GALNT16: variants seen among roughly 807,000 people sequenced by gnomAD.
GALNT16 encodes the protein polypeptide N-acetylgalactosaminyltransferase 16.
Under a neutral mutation model 76.1 loss-of-function variants are expected in GALNT16, and 40 were observed. That is an observed-to-expected ratio of 0.53 (90% CI 0.41 to 0.68). GALNT16 has a LOEUF of 0.68. GALNT16 is among the 30% of genes least tolerant of loss of function. The pLI, the probability that GALNT16 is intolerant of heterozygous loss-of-function variation, is 0.00. For synonymous variants in GALNT16, 276 were observed against 285.2 expected (o/e 0.97, Z 0.32); for missense variants, 621 against 731.9 (o/e 0.85, Z 1.75).
At chr14:69,319,021 C>T (rs746965436) in intron 1 of GALNT16, among the ~76,000 whole-genome samples, 20 of 152,356 alleles carry the variant, frequency 1.3e-4, no homozygotes, top group Admixed American at 6.5e-4. Flanking sequence ...CTGGGGGCTC[C>T]GCCACATCTG....
rs777727415 is a variant in GALNT16, at chr14:69,347,908, A to G, written c.1445A>G (p.Gln482Arg). 6.2e-7 allele frequency: 1 copy of G among 1,614,024 alleles called. No homozygotes were observed. Among genetic ancestry groups the G allele is most frequent in the South Asian group, 1.1e-5 (1 of 91,092 alleles). The change falls in exon 14 of 15, where the codon CAG (glutamine) becomes CGG (arginine). Residue 482 changes from glutamine to arginine, a missense_variant. Physicochemically the swap from Gln to Arg is conservative, Grantham distance 43. Coordinates refer to ENST00000448469, the MANE Select transcript of GALNT16 (RefSeq NM_001168368.2). ...CTGTTCAGTGACCACCTCATCCAGCAGCAGGGGAAGTGCCTGGCTGCCACC... is the reference window on the plus strand; with the variant it reads ...CTGTTCAGTGACCACCTCATCCAGCGGCAGGGGAAGTGCCTGGCTGCCACC... ...AWLFSDHLIQ[Q>R]QGKCLAATST...
rs1470628577 is a variant in GALNT16, at chr14:69,342,479, AG to A, written c.1271+718del. 2.4e-3 allele frequency among the ~76,000 whole-genome samples: 25 copies of A among 10,232 alleles called. 2 individuals are homozygous for A. Among genetic ancestry groups the A allele is most frequent in the South Asian group, 8.4e-3 (2 of 238 alleles). 6.7% of individuals were successfully genotyped at this position (10,232 alleles called of 152,430 possible). On this transcript the variant is annotated intron_variant, in intron 12 of 14. Coordinates refer to ENST00000448469, the MANE Select transcript of GALNT16 (RefSeq NM_001168368.2). ...GGAAGGTGGAAGAAGGAAGGAAGGG[AG>A]GGAGGGAGGGAGGGAGGGAGGGAGG...
At chr14:69,291,705 G>A (rs2044689294) in intron 1 of GALNT16, among the ~76,000 whole-genome samples, 1 of 152,214 alleles carries the variant, frequency 6.6e-6, no homozygotes, top group Non-Finnish European at 1.5e-5. Context: ...TGGAACAGGA[G>A]TTCCACCCCC....
chr14:69,282,692 G>A (rs2044560513), intron 1 of GALNT16, among the ~76,000 whole-genome samples: 1 of 147,140 alleles, frequency 6.8e-6, no homozygotes, highest in Non-Finnish European at 1.5e-5. Flanking sequence ...TTGAGACAGA[G>A]TCTCCCTCTG....
intron 9 of GALNT16, among the ~76,000 whole-genome samples, chr14:69,336,308 C>T (rs2045414697): frequency 1.3e-5 from 2 of 152,222 alleles, no homozygotes; most frequent in Admixed American, 1.3e-4. Flanking sequence ...CGGGGTTTCA[C>T]CACGTTGGCC....
chr14:69,322,039 C>G (rs904561619), intron 2 of GALNT16, among the ~76,000 whole-genome samples: 2 of 152,246 alleles, frequency 1.3e-5, no homozygotes, highest in African/African-American at 2.4e-5. Context: ...TTGTCACTCA[C>G]AGATGCATGC....
At chr14:69,346,528 A>T (rs1330979679) in intron 12 of GALNT16, among the ~76,000 whole-genome samples, 1 of 152,196 alleles carries the variant, frequency 6.6e-6, no homozygotes, top group Non-Finnish European at 1.5e-5. Context: ...TTGTCATTAA[A>T]TTAAGTGTGT....
chr14:69,309,494 T>C (rs1010913687), intron 1 of GALNT16, among the ~76,000 whole-genome samples: 1 of 152,110 alleles, frequency 6.6e-6, no homozygotes. Context: ...TGTGTGTTTG[T>C]AGAGATGAGG....
At chr14:69,305,143 T>C (rs1008634114) in intron 1 of GALNT16, among the ~76,000 whole-genome samples, 6 of 151,882 alleles carry the variant, frequency 4.0e-5, no homozygotes, top group African/African-American at 1.5e-4. Context: ...TTTTTTTTTT[T>C]TTTATAATAA....
intron 14 of GALNT16, chr14:69,351,389 G>A (rs573383256): frequency 6.6e-6 from 1 of 152,246 alleles, no homozygotes; most frequent in Middle Eastern, 3.4e-3. Context: ...TAAGAAACTG[G>A]GTCCAATAAC....
Position 69,354,423 on chromosome 14 carries a change from C to T in GALNT16, c.*2255C>T, listed in dbSNP as rs1434383479. 6.5e-6 allele frequency: 1 copy of T among 152,792 alleles called. No individual in the cohort carries two copies. The highest frequency in any genetic ancestry group is 1.5e-5 in the Non-Finnish European group (1 of 68,116). The allele number at this position is 152,792 out of a possible 1,614,324, so 9.5% of individuals were successfully genotyped here. On this transcript the variant is annotated 3_prime_UTR_variant, in exon 15 of 15. Transcript: ENST00000448469. ...CACTAGCTGTCCTTGAGGACCTCGTCTTTATGAAACACACACCTGGAATAA... is the reference window on the plus strand; with the variant it reads ...CACTAGCTGTCCTTGAGGACCTCGTTTTTATGAAACACACACCTGGAATAA...
At chr14:69,330,409 G>A (rs1381752147) in intron 6 of GALNT16, among the ~76,000 whole-genome samples, 3 of 152,208 alleles carry the variant, frequency 2.0e-5, no homozygotes, top group Admixed American at 6.5e-5. Flanking sequence ...GTTTCTTGTC[G>A]GGGTGGTGAA....
At chr14:69,314,000 A>G (rs909245161) in intron 1 of GALNT16, among the ~76,000 whole-genome samples, 2 of 152,216 alleles carry the variant, frequency 1.3e-5, no homozygotes, top group Non-Finnish European at 1.5e-5. Flanking sequence ...TCAACTTGGT[A>G]GCACATTGGA....
At chr14:69,338,115 T>C (rs2045435980) in intron 9 of GALNT16, among the ~76,000 whole-genome samples, 1 of 152,116 alleles carries the variant, frequency 6.6e-6, no homozygotes, top group Non-Finnish European at 1.5e-5. Flanking sequence ...ACCACCGCTG[T>C]CAAAAGGAGG....
rs776879075 is a variant in GALNT16, at chr14:69,333,155, C to T, written c.849C>T (p.Pro283=). The change falls in exon 8 of 15, where the codon CCC becomes CCT. Residue 283 remains proline (P), a synonymous_variant. Transcript: ENST00000448469. This position sits in a 1 kb window ranked among gnomAD's most constrained non-coding sequence, Gnocchi z 4.2. ...PLEQKMTRTD[P]TRPIRTPVIA... is the part of the protein sequence containing the mutation. Reference sequence around the variant, plus strand: ...AGCAGAAGATGACCCGGACAGACCCCACCAGGCCCATAAGGTCAGAGCTGC... The same window carrying T: ...AGCAGAAGATGACCCGGACAGACCCTACCAGGCCCATAAGGTCAGAGCTGC... 6.8e-6 allele frequency: 11 copies of T among 1,611,194 alleles called. No homozygotes were observed. Among genetic ancestry groups the T allele is most frequent in the Middle Eastern group, 3.3e-4 (2 of 6,042 alleles).
chr14:69,374,384 C>G, the GALNT16 span, among the ~76,000 whole-genome samples: 5 of 152,202 alleles, frequency 3.3e-5, no homozygotes, highest in Non-Finnish European at 5.9e-5. Flanking sequence ...CATTCTTGTT[C>G]ATCTTTGTTG....
chr14:69,307,296 G>A (rs1222055726), intron 1 of GALNT16, among the ~76,000 whole-genome samples: 4 of 152,202 alleles, frequency 2.6e-5, no homozygotes, highest in African/African-American at 4.8e-5. Context: ...AGCAGCTACT[G>A]TGTGCCAAGC....
In GALNT16 at chr14:69,333,071, G is replaced by C. The variant is rs373313151; in HGVS notation, c.779-14G>C. 16 of 1,598,742 alleles carry C rather than the reference G, an allele frequency of 1.0e-5. No individual in the cohort carries two copies. The Middle Eastern group carries it at 5.0e-4, about 49-fold the overall frequency. On this transcript the variant is annotated splice_polypyrimidine_tract_variant and intron_variant, in intron 7 of 14. Coordinates refer to ENST00000448469, the MANE Select transcript of GALNT16 (RefSeq NM_001168368.2). This position sits in a 1 kb window ranked among gnomAD's most constrained non-coding sequence, Gnocchi z 4.2. ...CTGCCCTGAGCTCTGTCCTCACCTT[G>C]CTGTGTCCCTTAGGGTTCGACTGGA...
chr14:69,290,561 G>A (rs1436452320), intron 1 of GALNT16, among the ~76,000 whole-genome samples: 3 of 152,176 alleles, frequency 2.0e-5, no homozygotes, highest in South Asian at 2.1e-4. Context: ...AGTTGAAAAG[G>A]TTGCAAAAAT....
Sources: allele counts gnomAD v4.1 joint callset (sites outside exome capture counted in the v4.1 genomes callset), GRCh38; gene constraint gnomAD v4.1.1; non-coding constraint Gnocchi (gnomAD v3.1); transcripts MANE v1.5; gene names NCBI Gene and HGNC (gene_info 2026-07-23, HGNC 2026-07-21).